RNF135: variants seen among roughly 807,000 people sequenced by gnomAD.
The protein encoded by RNF135 is E3 ubiquitin-protein ligase RNF135.
In RNF135, 46 loss-of-function variants were observed where a neutral mutation model predicts 41.9. The observed-to-expected ratio is 1.10, with a 90% confidence interval of 0.87 to 1.40. The LOEUF (loss-of-function observed/expected upper bound fraction) is 1.40, where lower values mean the gene tolerates loss of function less well. Ranked by LOEUF, RNF135 falls within the 40% of genes most tolerant of loss-of-function variation. RNF135 has a pLI of 0.00. For synonymous variants in RNF135, 238 were observed against 223.8 expected, an observed-to-expected ratio of 1.06 and a Z score of -0.57; for missense variants, 539 against 549.8, an observed-to-expected ratio of 0.98 and a Z score of 0.20.
chr17:30,991,138 C>G (rs1044621732), intron 3 of RNF135, among the ~76,000 whole-genome samples: 1 of 152,080 alleles, frequency 6.6e-6, no homozygotes, highest in Non-Finnish European at 1.5e-5. Context: ...TGTCCCCAAC[C>G]TGCCAACTGA....
At chr17:30,969,927 GCTTTT>G (rs1555571716), upstream of RNF135, among the ~76,000 whole-genome samples, 13 of 152,014 alleles carry the variant, frequency 8.6e-5, no homozygotes, top group East Asian at 1.9e-4. Context: ...AGGGCGCCTG[GCTTTT>G]CTTTTCTTTT....
intron 1 of RNF135, among the ~76,000 whole-genome samples, chr17:30,979,786 G>A (rs1906885925): frequency 2.4e-5 from 3 of 123,046 alleles, no homozygotes; most frequent in Non-Finnish European, 5.3e-5. Flanking sequence ...CCTCCCGGAC[G>A]GGGCGGCTGG....
At chr17:30,970,677 T>C, upstream of RNF135, 1 of 243,268 alleles carries the variant, frequency 4.1e-6, no homozygotes, top group Non-Finnish European at 8.0e-6. Context: ...TGGAGTCCTC[T>C]CCTCCCAAGA....
the RNF135 span, among the ~76,000 whole-genome samples, chr17:30,963,465 G>C: frequency 6.6e-6 from 1 of 151,908 alleles, no homozygotes; most frequent in Admixed American, 6.6e-5. Flanking sequence ...CCAGCTACTC[G>C]GGAGGCTGAA....
chr17:30,972,177 A>T (rs1415484174), intron 1 of RNF135: 2 of 151,902 alleles, frequency 1.3e-5, no homozygotes, highest in Non-Finnish European at 2.9e-5. Context: ...TCTCACTGCA[A>T]GCTCCGCCTC....
At chr17:30,977,487 T>C (rs1168984549) in intron 1 of RNF135, among the ~76,000 whole-genome samples, 1 of 152,110 alleles carries the variant, frequency 6.6e-6, no homozygotes, top group Non-Finnish European at 1.5e-5. Context: ...AATTCTCCTG[T>C]CTCAGCCTCC....
At chr17:30,977,367 TTTTTGTTTTG>T (rs568399698) in intron 1 of RNF135, among the ~76,000 whole-genome samples, 6 of 152,144 alleles carry the variant, frequency 3.9e-5, no homozygotes, top group South Asian at 2.1e-4. Context: ...ACTAGTGAGG[TTTTTGTTTTG>T]TTTTGTTTTG....
Position 30,998,981 on chromosome 17 carries a change from C to G in RNF135, c.1089C>G (p.Val363=). Residue 363 remains valine (V), a synonymous_variant, in exon 5 of 5, where the codon GTC becomes GTG. Transcript: ENST00000328381. ...GTSQLSAWHM[V]KETVLGSDRP... ...GCCAGCTCTCTGCATGGCACATGGTCAAGGAAACTGTCCTTGGCTCAGACA... is the reference window on the plus strand; with the variant it reads ...GCCAGCTCTCTGCATGGCACATGGTGAAGGAAACTGTCCTTGGCTCAGACA... 1.2e-6 allele frequency: 2 copies of G among 1,614,112 alleles called. No individual in the cohort carries two copies. Among genetic ancestry groups the G allele is most frequent in the Non-Finnish European group, 1.7e-6 (2 of 1,180,010 alleles).
chr17:30,997,434 T>C (rs2142736264), intron 4 of RNF135, 103 bp downstream of exon 4: 1 of 991,338 alleles, frequency 1.0e-6, no homozygotes, highest in East Asian at 2.6e-5. Context: ...CTCCTTGGCT[T>C]ACTGCACATG....
At chr17:30,985,689 C>T (rs1253652984) in intron 2 of RNF135, among the ~76,000 whole-genome samples, 1 of 151,990 alleles carries the variant, frequency 6.6e-6, no homozygotes, top group Non-Finnish European at 1.5e-5. Context: ...TCATGGTCAT[C>T]ACAGTGACTA....
At chr17:30,988,416 A>ATTTTTTTTTTTTT (rs56955275) in intron 3 of RNF135, among the ~76,000 whole-genome samples, 1 of 81,876 alleles carries the variant, frequency 1.2e-5, no homozygotes, top group African/African-American at 5.1e-5. Context: ...GCCACTTTTA[A>ATTTTTTTTTTTTT]TTTTTTTTTT....
intron 1 of RNF135, chr17:30,978,765 T>C (rs914102039): frequency 6.4e-5 from 8 of 125,270 alleles, no homozygotes; most frequent in Non-Finnish European, 1.3e-4. Context: ...CCTTCCGCAG[T>C]GTTTGTGTCC....
intron 3 of RNF135, 135 bp downstream of exon 3, chr17:30,988,241 G>A: frequency 1.2e-6 from 1 of 860,212 alleles, no homozygotes; most frequent in Non-Finnish European, 1.9e-6. Context: ...CGTGAATCAG[G>A]TAGGGGTGGG....
At chr17:30,972,937 A>C (rs1166561648) in intron 1 of RNF135, 1 of 152,146 alleles carries the variant, frequency 6.6e-6, no homozygotes, top group Admixed American at 6.5e-5. Context: ...CACCACACCC[A>C]GGTAATTTTT....
At chr17:30,982,341 A>C (rs1243611215) in intron 1 of RNF135, among the ~76,000 whole-genome samples, 1 of 152,174 alleles carries the variant, frequency 6.6e-6, no homozygotes, top group Non-Finnish European at 1.5e-5. Context: ...ACTGATCTAA[A>C]TGCTCCCTCT....
Position 30,999,150 on chromosome 17 carries a change from C to T in RNF135, c.1258C>T (p.His420Tyr). ...CCCTGCCTTCTGGCTGTATGGCTTACATCCTGGAAATTACCTGATAATAAA... is the reference window on the plus strand; with the variant it reads ...CCCTGCCTTCTGGCTGTATGGCTTATATCCTGGAAATTACCTGATAATAAA... ...LYPAFWLYGL[H>Y]PGNYLIIKQV... The change falls in exon 5 of 5, where the codon CAT (histidine) becomes TAT (tyrosine). Residue 420 changes from histidine to tyrosine, a missense_variant. His to Tyr is a moderately conservative substitution (Grantham distance 83, BLOSUM62 2). Coordinates refer to ENST00000328381, the MANE Select transcript of RNF135 (RefSeq NM_032322.4). 6.2e-7 allele frequency: 1 copy of T among 1,614,166 alleles called. No homozygotes were observed. The highest frequency in any genetic ancestry group is 8.5e-7 in the Non-Finnish European group (1 of 1,180,028).
the RNF135 span, among the ~76,000 whole-genome samples, chr17:30,960,432 G>C: frequency 2.0e-5 from 3 of 150,996 alleles, no homozygotes; most frequent in Non-Finnish European, 4.4e-5. Context: ...AGCCAGGCAT[G>C]GTGGCATGTG....
chr17:30,998,097 G>A (rs1362003082), intron 4 of RNF135, among the ~76,000 whole-genome samples: 1 of 152,206 alleles, frequency 6.6e-6, no homozygotes, highest in Non-Finnish European at 1.5e-5. Context: ...GTTTAATAGA[G>A]ACAGGAGTTG....
At chr17:30,988,416 A>ATTTTTTTTTTT (rs56955275) in intron 3 of RNF135, among the ~76,000 whole-genome samples, 5 of 81,898 alleles carry the variant, frequency 6.1e-5, no homozygotes, top group Non-Finnish European at 9.7e-5. Context: ...GCCACTTTTA[A>ATTTTTTTTTTT]TTTTTTTTTT....
Sources: allele counts gnomAD v4.1 joint callset (sites outside exome capture counted in the v4.1 genomes callset), GRCh38; gene constraint gnomAD v4.1.1; transcripts MANE v1.5; gene names NCBI Gene and HGNC (gene_info 2026-07-23, HGNC 2026-07-21).